MAGI1: variants seen among roughly 807,000 people sequenced by gnomAD.
The protein encoded by MAGI1 is membrane-associated guanylate kinase, WW and PDZ domain-containing protein 1.
In MAGI1, 58 loss-of-function variants were observed where a neutral mutation model predicts 139.9. The observed-to-expected ratio is 0.41, with a 90% CI of 0.34 to 0.52. The LOEUF (loss-of-function observed/expected upper bound fraction) is 0.52, where lower values mean the gene tolerates loss of function less well. Ranked by LOEUF, MAGI1 falls within the 20% of genes least tolerant of loss-of-function variation. The pLI is 0.12. For synonymous variants in MAGI1, 812 were observed against 737.9 expected (o/e 1.10, Z -1.63); for missense variants, 1,874 against 1,901.6 (o/e 0.99, Z 0.27).
At chr3:65,908,579 C>T (rs561694215) in intron 1 of MAGI1, among the ~76,000 whole-genome samples, 1 of 152,218 alleles carries the variant, frequency 6.6e-6, no homozygotes, top group Non-Finnish European at 1.5e-5. Flanking sequence ...CCACTGCACC[C>T]GGCCAATCCT....
intron 4 of MAGI1, among the ~76,000 whole-genome samples, chr3:65,475,692 G>A (rs1004658686): frequency 6.6e-6 from 1 of 152,000 alleles, no homozygotes; most frequent in Admixed American, 6.6e-5. Flanking sequence ...CTGTCCCATT[G>A]CTTTGTGTTC....
chr3:65,943,611 A>G (rs2063417442), intron 1 of MAGI1, among the ~76,000 whole-genome samples: 1 of 151,736 alleles, frequency 6.6e-6, no homozygotes, highest in African/African-American at 2.4e-5. Context: ...ATACCCTACT[A>G]TATGTGATGC....
intron 1 of MAGI1, among the ~76,000 whole-genome samples, chr3:65,639,943 A>T (rs114190399): frequency 6.6e-6 from 1 of 151,678 alleles, no homozygotes; most frequent in Non-Finnish European, 1.5e-5. Context: ...CAGAGGTTGC[A>T]GTGAGCCAAG....
intron 1 of MAGI1, among the ~76,000 whole-genome samples, chr3:65,787,510 T>G (rs1248664479): frequency 6.6e-6 from 1 of 150,666 alleles, no homozygotes; most frequent in Admixed American, 6.6e-5. Flanking sequence ...GAACTAACTC[T>G]CACACATCAT....
chr3:65,810,717 C>T (rs1368233215), intron 1 of MAGI1, among the ~76,000 whole-genome samples: 1 of 152,172 alleles, frequency 6.6e-6, no homozygotes, highest in Non-Finnish European at 1.5e-5. Flanking sequence ...AGGGAAAGCC[C>T]GCACTCCACA....
intron 1 of MAGI1, among the ~76,000 whole-genome samples, chr3:65,736,608 C>G (rs146045843): frequency 6.6e-6 from 1 of 152,064 alleles, no homozygotes; most frequent in African/African-American, 2.4e-5. Flanking sequence ...CTCCAGAGAC[C>G]GAAGACCCAG....
intron 1 of MAGI1, among the ~76,000 whole-genome samples, chr3:65,810,794 C>T (rs1277020214): frequency 1.3e-5 from 2 of 152,210 alleles, no homozygotes; most frequent in African/African-American, 4.8e-5. Flanking sequence ...ATTTAGGTCC[C>T]TTCATGGTGC....
chr3:65,729,131 G>C (rs1056420851), intron 1 of MAGI1, among the ~76,000 whole-genome samples: 19 of 109,322 alleles, frequency 1.7e-4, no homozygotes, highest in Admixed American at 2.9e-4. Context: ...GGGGGGGGGG[G>C]GGGGGATGAT....
intron 1 of MAGI1, among the ~76,000 whole-genome samples, chr3:65,695,371 C>T (rs1341154491): frequency 6.6e-6 from 1 of 152,180 alleles, no homozygotes; most frequent in African/African-American, 2.4e-5. Flanking sequence ...CTTATGGAAG[C>T]AGATCATAAG....
At chr3:65,373,271 G>T (rs114296683) in intron 18 of MAGI1, among the ~76,000 whole-genome samples, 3,209 of 152,248 alleles carry the variant, frequency 0.021, 55 homozygotes, top group Middle Eastern at 0.097. Context: ...GGAGGCCCGA[G>T]GAAAGGAACA....
intron 2 of MAGI1, among the ~76,000 whole-genome samples, chr3:65,515,027 G>T (rs2077792586): frequency 6.9e-6 from 1 of 145,694 alleles, no homozygotes; most frequent in African/African-American, 2.6e-5. Flanking sequence ...GATGAAATTG[G>T]AAATCATCAT....
At chr3:65,413,881 G>A (rs138897004) in intron 12 of MAGI1, among the ~76,000 whole-genome samples, 106 of 152,278 alleles carry the variant, frequency 7.0e-4, no homozygotes, top group African/African-American at 2.4e-3. Context: ...CTGTGAGGCC[G>A]TTTAATGAAA....
chr3:66,002,575 G>A (rs1052552201), intron 1 of MAGI1, among the ~76,000 whole-genome samples: 9 of 152,048 alleles, frequency 5.9e-5, no homozygotes, highest in Admixed American at 2.6e-4. Context: ...GAGTACAGTG[G>A]CGCGATCTCG....
chr3:65,432,417 T>TTA (rs2107355346), intron 10 of MAGI1, among the ~76,000 whole-genome samples: 1 of 152,312 alleles, frequency 6.6e-6, no homozygotes, highest in Admixed American at 6.5e-5. Context: ...TTTTGGTTAG[T>TTA]TATATCTAAA....
chr3:65,446,249 C>G (rs946639538), intron 7 of MAGI1, among the ~76,000 whole-genome samples: 1 of 152,162 alleles, frequency 6.6e-6, no homozygotes, highest in Non-Finnish European at 1.5e-5. Flanking sequence ...TATTAAAACA[C>G]GCTTTCATTA....
chr3:65,932,049 CAG>C (rs1415547668), intron 1 of MAGI1, among the ~76,000 whole-genome samples: 10 of 152,064 alleles, frequency 6.6e-5, no homozygotes, highest in South Asian at 2.1e-4. Context: ...CACATGGAAA[CAG>C]GGGAAAAAAT....
At chr3:65,427,278 C>T (rs980169111) in intron 12 of MAGI1, among the ~76,000 whole-genome samples, 6 of 152,088 alleles carry the variant, frequency 3.9e-5, no homozygotes, top group African/African-American at 1.2e-4. Context: ...CACCACTGCA[C>T]TCCAGCCTGG....
At chr3:65,554,299 T>C (rs1007935443) in intron 2 of MAGI1, among the ~76,000 whole-genome samples, 2 of 152,210 alleles carry the variant, frequency 1.3e-5, no homozygotes, top group African/African-American at 4.8e-5. Context: ...AATAAACATA[T>C]GATTCTATAT....
chr3:65,755,775 C>G (rs891744671), intron 1 of MAGI1, among the ~76,000 whole-genome samples: 2 of 152,132 alleles, frequency 1.3e-5, no homozygotes, highest in Non-Finnish European at 1.5e-5. Flanking sequence ...TGCAAAGTTA[C>G]CATTATTATT....
Sources: allele counts gnomAD v4.1 joint callset (sites outside exome capture counted in the v4.1 genomes callset), GRCh38; gene constraint gnomAD v4.1.1; transcripts MANE v1.5; gene names NCBI Gene and HGNC (gene_info 2026-07-23, HGNC 2026-07-21).